CFAP77: variants seen among roughly 807,000 people sequenced by gnomAD.
CFAP77 encodes the protein cilia- and flagella-associated protein 77.
A neutral mutation model predicts 31.1 loss-of-function variants in CFAP77; 25 were observed. The observed-to-expected ratio is 0.80, with a 90% CI of 0.59 to 1.12. The LOEUF is 1.12. Among genes scored for constraint, CFAP77 ranks in the 50% most tolerant of loss-of-function variants. The pLI, the probability that CFAP77 is intolerant of heterozygous loss-of-function variation, is 0.00. For missense variants in CFAP77, 377 were observed against 397.3 expected, an observed-to-expected ratio of 0.95 and a Z score of 0.44; for synonymous variants, 151 against 159.9, an observed-to-expected ratio of 0.94 and a Z score of 0.42.
At chr9:132,561,909 AC>A (rs1829817660) in intron 5 of CFAP77, among the ~76,000 whole-genome samples, 1 of 152,128 alleles carries the variant, frequency 6.6e-6, no homozygotes. Flanking sequence ...GAGCCATTCA[AC>A]CCAGCAGAAG....
rs35737685 is a variant in CFAP77, at chr9:132,559,346, C to CA, written c.733-13022dup. 1.9e-3 allele frequency among the ~76,000 whole-genome samples: 108 copies of CA among 56,058 alleles called. 9 individuals carry two copies. Among genetic ancestry groups the CA allele is most frequent in the African/African-American group, 7.1e-3 (87 of 12,214 alleles). The allele number at this position is 56,058 out of a possible 152,430, so 36.8% of individuals were successfully genotyped here. A position where few individuals can be genotyped will look rare whatever the true frequency, so the allele number is the denominator to read the frequency against. ...CGCGTCAGAGTGAGACTCTGTCTTG[C>CA]AAAAAAAAAAAAAAAAAAAAGGCAA... On this transcript the variant is annotated intron_variant, in intron 5 of 5. Coordinates refer to ENST00000393216, the MANE Select transcript of CFAP77 (RefSeq NM_001282957.2).
Position 132,564,180 on chromosome 9 carries a change from T to A in CFAP77, c.733-8208T>A, listed in dbSNP as rs1412841082. ...CCCATCTCTGATACACAATGGATGG[T>A]CAATAAATAAGCATTGAATAAAATC... is the stretch of plus-strand genomic sequence containing the variant. On this transcript the variant is annotated intron_variant, in intron 5 of 5. Transcript: ENST00000393216. This position sits in a 1 kb window ranked among gnomAD's most constrained non-coding sequence, Gnocchi z 4.6. Among the ~76,000 whole-genome samples the A allele has an allele frequency of 6.6e-6, 1 of 152,176 alleles. No homozygotes were observed. Among genetic ancestry groups the A allele is most frequent in the Non-Finnish European group, 1.5e-5 (1 of 68,034 alleles).
rs900179992 is a variant in CFAP77 at position 132,564,843 on chromosome 9, C to T, written c.733-7545C>T. The stretch of plus-strand genomic sequence containing the variant: ...AAAATGGGGCCCACCGCTCTAGATG[C>T]GGGAAGCAAAGTGAGACCTCCGTTC... On this transcript the variant is annotated intron_variant, in intron 5 of 5. Transcript: ENST00000393216. The surrounding 1 kb of genome is among the most constrained non-coding windows in gnomAD (Gnocchi z 4.6). Among the ~76,000 whole-genome samples the T allele has an allele frequency of 6.6e-5, 10 of 152,180 alleles. No individual in the cohort carries two copies. Among genetic ancestry groups the T allele is most frequent in the South Asian group, 2.1e-4 (1 of 4,828 alleles).
intron 1 of CFAP77, among the ~76,000 whole-genome samples, chr9:132,484,680 C>G (rs1242771372): frequency 6.6e-6 from 1 of 151,568 alleles, no homozygotes; most frequent in East Asian, 1.9e-4. Context: ...GTGAATAACG[C>G]TGCTATGAAC....
At chr9:132,458,798 C>T (rs967430365) in intron 1 of CFAP77, among the ~76,000 whole-genome samples, 1 of 152,156 alleles carries the variant, frequency 6.6e-6, no homozygotes, top group African/African-American at 2.4e-5. Flanking sequence ...GTTGGTGATA[C>T]CTTGTTATAC....
At chr9:132,502,265 A>ATAT (rs1469260414) in intron 3 of CFAP77, among the ~76,000 whole-genome samples, 45 of 83,866 alleles carry the variant, frequency 5.4e-4, no homozygotes, top group African/African-American at 9.9e-4. Flanking sequence ...ATATATATAT[A>ATAT]TTTTTTTTTT....
At chr9:132,472,902 G>A (rs1213603715) in intron 1 of CFAP77, among the ~76,000 whole-genome samples, 1 of 152,180 alleles carries the variant, frequency 6.6e-6, no homozygotes, top group Admixed American at 6.5e-5. Context: ...GTCTTAGTCC[G>A]TTTTGTGTTG....
Position 132,486,016 on chromosome 9 carries a change from A to ATATATATGTATG in CFAP77, c.196-12672_196-12671insGTATGTATATAT, listed in dbSNP as rs1554742545. 1.7e-3 allele frequency among the ~76,000 whole-genome samples: 28 copies of ATATATATGTATG among 16,346 alleles called. 2 individuals carry two copies. Among genetic ancestry groups the ATATATATGTATG allele is most frequent in the Admixed American group, 1.9e-3 (2 of 1,028 alleles). 10.7% of individuals were successfully genotyped at this position (16,346 alleles called of 152,430 possible). A position where few individuals can be genotyped will look rare whatever the true frequency, so the allele number is the denominator to read the frequency against. ...TATATATATATATATATATATATATATATATATATATATATATATATATAT... is the reference window on the plus strand; with the variant it reads ...TATATATATATATATATATATATATATATATATGTATGTATATATATATATATATATATATAT... On this transcript the variant is annotated intron_variant, in intron 1 of 5. Coordinates refer to ENST00000393216, the MANE Select transcript of CFAP77 (RefSeq NM_001282957.2).
Position 132,410,341 on chromosome 9 carries a change from ACGGTCAGCCAGGTCTGCCCGCCCCCG to A in CFAP77, c.74_99del (p.Val25AlafsTer34). On this transcript the variant is annotated frameshift_variant, in exon 1 of 6. Coordinates refer to ENST00000393216, the MANE Select transcript of CFAP77 (RefSeq NM_001282957.2). LOFTEE classifies it high-confidence loss of function. Reference sequence around the variant, plus strand: ...GAAGCAGCAGCAGCCTGTGCGCCGCACGGTCAGCCAGGTCTGCCCGCCCCCGCGGCGGCCCCTGACCGTGGCGGACA... The same window carrying A: ...GAAGCAGCAGCAGCCTGTGCGCCGCACGGCGGCCCCTGACCGTGGCGGACA... The A allele has an allele frequency of 6.3e-7, 1 of 1,598,100 alleles. No individual in the cohort carries two copies. Among genetic ancestry groups the A allele is most frequent in the Non-Finnish European group, 8.5e-7 (1 of 1,173,680 alleles).
chr9:132,455,091 A>C lies in CFAP77; in HGVS notation c.196-43604A>C, dbSNP rs1200243509. On this transcript the variant is annotated intron_variant, in intron 1 of 5. Coordinates refer to ENST00000393216, the MANE Select transcript of CFAP77 (RefSeq NM_001282957.2). This position sits in a 1 kb window ranked among gnomAD's most constrained non-coding sequence, Gnocchi z 4.1. Reference sequence around the variant, plus strand: ...GGGAAGGCCCAGTGATATCTTGTGAAGTTTGTTCTACTCGCAGATCCTAGC... The same window carrying C: ...GGGAAGGCCCAGTGATATCTTGTGACGTTTGTTCTACTCGCAGATCCTAGC... Among the ~76,000 whole-genome samples, 1 of 152,184 alleles carries C rather than the reference A, an allele frequency of 6.6e-6. No homozygotes were observed. The highest frequency in any genetic ancestry group is 6.5e-5 in the Admixed American group (1 of 15,274).
rs145957603 is a variant in CFAP77, at chr9:132,499,419, G to C, written c.343G>C (p.Glu115Gln). ...VFKQQPTCPH[E>Q]LTRNYIAMNR... ...CAAGCAGCAGCCCACCTGCCCCCAC[G>C]AGCTGACCCGGAATTATATCGCAAT... Residue 115 changes from glutamate to glutamine, a missense_variant, in exon 3 of 6, where the codon GAG (glutamate) becomes CAG (glutamine). Transcript: ENST00000393216. The surrounding 1 kb of genome is among the most constrained non-coding windows in gnomAD (Gnocchi z 5.4). 9 of 1,614,066 alleles carry C rather than the reference G, an allele frequency of 5.6e-6. No homozygotes were observed. The Admixed American group carries it at 6.7e-5, about 12-fold the overall frequency.
At chr9:132,548,758 C>T (rs932060404) in intron 5 of CFAP77, among the ~76,000 whole-genome samples, 2 of 149,096 alleles carry the variant, frequency 1.3e-5, no homozygotes, top group Non-Finnish European at 3.0e-5. Context: ...TCTCTGTACA[C>T]TTCCAATACC....
At chr9:132,412,683 G>A (rs944871386) in intron 1 of CFAP77, among the ~76,000 whole-genome samples, 4 of 151,604 alleles carry the variant, frequency 2.6e-5, no homozygotes, top group African/African-American at 9.7e-5. Context: ...TTGCAGCTTC[G>A]TTTGCTAACT....
rs115800775 is a variant in CFAP77, at chr9:132,568,738, C to T, written c.733-3650C>T. On this transcript the variant is annotated intron_variant, in intron 5 of 5. Coordinates refer to ENST00000393216, the MANE Select transcript of CFAP77 (RefSeq NM_001282957.2). ...TTTTTTTTGGAGACAGAGTCTCTGTCCCATAGTCTGGAGTGCAGTGGCATG... is the reference window on the plus strand; with the variant it reads ...TTTTTTTTGGAGACAGAGTCTCTGTTCCATAGTCTGGAGTGCAGTGGCATG... Among the ~76,000 whole-genome samples, 477 of 152,070 alleles carry T rather than the reference C, an allele frequency of 3.1e-3. 1 individual carries two copies. The highest frequency in any genetic ancestry group is 0.011 in the African/African-American group (458 of 41,466).
chr9:132,479,041 G>A (rs1007764390), intron 1 of CFAP77, among the ~76,000 whole-genome samples: 8 of 152,166 alleles, frequency 5.3e-5, no homozygotes, highest in Admixed American at 2.0e-4. Context: ...CAAGACCATC[G>A]CTGGAGTCTT....
At position 132,501,337 on chromosome 9, in the gene CFAP77, C is replaced by T. The variant is rs529722312; in HGVS notation, c.524+1737C>T. Among the ~76,000 whole-genome samples the T allele has an allele frequency of 2.2e-4, 34 of 152,002 alleles. No individual in the cohort carries two copies. The South Asian group carries it at 3.7e-3, about 17-fold the overall frequency. On this transcript the variant is annotated intron_variant, in intron 3 of 5. Transcript: ENST00000393216. The surrounding 1 kb of genome is among the most constrained non-coding windows in gnomAD (Gnocchi z 4.6). ...TCTCTAAACAGCCCAGTGCAAAGGG[C>T]GTTGGTGCTACAGACACCTTGAGTT...
intron 1 of CFAP77, among the ~76,000 whole-genome samples, chr9:132,419,392 G>C (rs1456255425): frequency 6.6e-6 from 1 of 152,198 alleles, no homozygotes. Flanking sequence ...CGTCTAAGCT[G>C]TGCCGTGGCG....
chr9:132,433,215 T>C (rs532686331), intron 1 of CFAP77, among the ~76,000 whole-genome samples: 3 of 152,128 alleles, frequency 2.0e-5, no homozygotes, highest in Non-Finnish European at 2.9e-5. Context: ...GTTGCAAAGA[T>C]GAAATGAGAC....
At chr9:132,432,078 A>G (rs921539207) in intron 1 of CFAP77, among the ~76,000 whole-genome samples, 1 of 152,220 alleles carries the variant, frequency 6.6e-6, no homozygotes, top group African/African-American at 2.4e-5. Flanking sequence ...GGGAAAAATA[A>G]CACACTGCAC....
Sources: allele counts gnomAD v4.1 joint callset (sites outside exome capture counted in the v4.1 genomes callset), GRCh38; gene constraint gnomAD v4.1.1; non-coding constraint Gnocchi (gnomAD v3.1); transcripts MANE v1.5; gene names NCBI Gene and HGNC (gene_info 2026-07-23, HGNC 2026-07-21).